The following NUMB variants were observed in gnomAD, a reference collection of about 807,000 sequenced individuals.
The protein encoded by NUMB is protein numb homolog.
A neutral mutation model predicts 59.7 loss-of-function variants in NUMB; 29 were observed. The ratio of observed to expected loss-of-function variants is 0.49; its 90% CI spans 0.36 to 0.66. The LOEUF (loss-of-function observed/expected upper bound fraction) is 0.66. Ranked by LOEUF, NUMB falls within the 30% of genes least tolerant of loss-of-function variation. The probability of loss-of-function intolerance (pLI) is 0.00; values close to 1 mark genes in which losing one functional copy is unlikely to be tolerated. For missense variants in NUMB, 723 were observed against 822.0 expected, an observed-to-expected ratio of 0.88 and a Z score of 1.47; for synonymous variants, 288 against 288.2, an observed-to-expected ratio of 1.00 and a Z score of 0.01.
intron 2 of NUMB, among the ~76,000 whole-genome samples, chr14:73,379,257 A>G (rs1331945560): frequency 1.3e-5 from 2 of 152,222 alleles, no homozygotes; most frequent in African/African-American, 4.8e-5. Flanking sequence ...AAAGCACGTA[A>G]GTGTTGCTTT....
rs552032039 is a variant in NUMB, at chr14:73,290,117, AC to A, written c.450+2616del. ...AAACAGGCTGCCGGGCCACTATTTGACAACAAAATGGTTTTTAAGTTATTAT... is the reference window on the plus strand; with the variant it reads ...AAACAGGCTGCCGGGCCACTATTTGAAACAAAATGGTTTTTAAGTTATTAT... On this transcript the variant is annotated intron_variant, in intron 8 of 12. Coordinates refer to ENST00000555238, the MANE Select transcript of NUMB (RefSeq NM_001005743.2). Among the ~76,000 whole-genome samples the A allele has an allele frequency of 7.2e-5, 11 of 152,330 alleles. 1 individual carries two copies. In the South Asian group the frequency reaches 2.3e-3, roughly 32 times the overall value.
intron 2 of NUMB, among the ~76,000 whole-genome samples, chr14:73,405,750 G>A (rs980903410): frequency 7.2e-5 from 11 of 151,860 alleles, no homozygotes; most frequent in East Asian, 2.0e-4. Context: ...CTGTGGAGCC[G>A]TGCCTCCAAG....
chr14:73,301,246 A>C (rs563105661), intron 6 of NUMB, among the ~76,000 whole-genome samples: 149 of 152,352 alleles, frequency 9.8e-4, no homozygotes, highest in South Asian at 2.1e-3. Flanking sequence ...AGATATTTAA[A>C]TTTGCAGTTT....
intron 1 of NUMB, among the ~76,000 whole-genome samples, chr14:73,434,603 C>T (rs1431745784): frequency 1.3e-5 from 2 of 152,218 alleles, no homozygotes; most frequent in East Asian, 1.9e-4. Flanking sequence ...CAGTGGCTCA[C>T]ACCTGTAATC....
intron 1 of NUMB, among the ~76,000 whole-genome samples, chr14:73,456,054 G>A (rs756969898): frequency 4.6e-5 from 7 of 151,846 alleles, no homozygotes; most frequent in Middle Eastern, 3.4e-3. Context: ...ACAAACACAG[G>A]AGGAACCAAA....
chr14:73,415,502 T>C (rs200487408), intron 1 of NUMB, among the ~76,000 whole-genome samples: 1,027 of 99,250 alleles, frequency 0.01, 5 homozygotes, highest in South Asian at 0.05. Flanking sequence ...AACTATTTTT[T>C]CTTTTCTTTT....
At chr14:73,303,036 G>A (rs1324036890) in intron 6 of NUMB, among the ~76,000 whole-genome samples, 2 of 151,892 alleles carry the variant, frequency 1.3e-5, no homozygotes, top group Admixed American at 6.6e-5. Context: ...TCACGAACAT[G>A]GCGAAACCCC....
intron 7 of NUMB, among the ~76,000 whole-genome samples, chr14:73,296,799 G>C (rs1051871687): frequency 6.6e-6 from 1 of 152,186 alleles, no homozygotes; most frequent in Non-Finnish European, 1.5e-5. Flanking sequence ...GCTGCCGGTG[G>C]ATCACCTGAG....
At chr14:73,401,083 G>T (rs1896390384) in intron 2 of NUMB, among the ~76,000 whole-genome samples, 1 of 152,182 alleles carries the variant, frequency 6.6e-6, no homozygotes, top group Non-Finnish European at 1.5e-5. Context: ...TGTGGGATCT[G>T]ATTCTATCTC....
chr14:73,333,605 G>A (rs772352535), intron 4 of NUMB, among the ~76,000 whole-genome samples: 1 of 151,628 alleles, frequency 6.6e-6, no homozygotes, highest in Non-Finnish European at 1.5e-5. Context: ...GAGATATAAA[G>A]GTTCTTTATA....
intron 3 of NUMB, among the ~76,000 whole-genome samples, chr14:73,366,352 T>C (rs1031373245): frequency 6.6e-6 from 1 of 152,240 alleles, no homozygotes; most frequent in African/African-American, 2.4e-5. Context: ...TGTCATACCC[T>C]ACATTGCTGC....
At chr14:73,357,999 G>T (rs534140168) in intron 3 of NUMB, among the ~76,000 whole-genome samples, 1 of 151,474 alleles carries the variant, frequency 6.6e-6, no homozygotes, top group Admixed American at 6.6e-5. Flanking sequence ...TACCTACTCG[G>T]CCAAGCCAGA....
chr14:73,305,108 G>A (rs960623124), intron 6 of NUMB, among the ~76,000 whole-genome samples: 1 of 152,080 alleles, frequency 6.6e-6, no homozygotes, highest in African/African-American at 2.4e-5. Flanking sequence ...ATTAGCAACC[G>A]TTTTTTGTGA....
intron 4 of NUMB, among the ~76,000 whole-genome samples, chr14:73,332,770 T>TC (rs542458167): frequency 2.9e-3 from 97 of 33,696 alleles, no homozygotes; most frequent in African/African-American, 0.018. Flanking sequence ...CCACTGCCCC[T>TC]CCCCACAGCC....
At chr14:73,294,377 A>G (rs2139837047) in intron 7 of NUMB, among the ~76,000 whole-genome samples, 1 of 152,128 alleles carries the variant, frequency 6.6e-6, no homozygotes, top group East Asian at 1.9e-4. Context: ...AGGTAATCAA[A>G]TATCAGTTTT....
chr14:73,287,191 C>A lies in NUMB; in HGVS notation c.574G>T (p.Glu192Ter). The change falls in exon 9 of 13, where the codon GAA (glutamate) becomes TAA (stop). Residue 192 changes from glutamate (E) to a stop codon, truncating the protein, a stop_gained. Coordinates refer to ENST00000555238, the MANE Select transcript of NUMB (RefSeq NM_001005743.2). LOFTEE classifies it high-confidence loss of function. ...FDASRTTFTR[E>*]GSFRVTTATE... ...GCTGTTGTGACACGGAATGATCCTT[C>A]TCTTGTAAAAGTGGTCCGACTAGCA... 1 of 1,613,884 alleles carries A rather than the reference C, an allele frequency of 6.2e-7. No individual in the cohort carries two copies. The highest frequency in any genetic ancestry group is 8.5e-7 in the Non-Finnish European group (1 of 1,179,996).
intron 1 of NUMB, among the ~76,000 whole-genome samples, chr14:73,413,512 C>G (rs1474461338): frequency 6.6e-6 from 1 of 151,808 alleles, no homozygotes; most frequent in Admixed American, 6.6e-5. Flanking sequence ...AATCTCAGCA[C>G]TTTGGGAGGT....
chr14:73,343,800 C>G (rs141429587), intron 4 of NUMB, among the ~76,000 whole-genome samples: 7 of 61,492 alleles, frequency 1.1e-4, no homozygotes, highest in African/African-American at 5.2e-4. Context: ...TGGATGCTAT[C>G]AAGTTTTGAA....
At chr14:73,286,190 ATTTTTTTTTTTTTTTTTTTT>A (rs55711968) in intron 9 of NUMB, 2 of 72,130 alleles carry the variant, frequency 2.8e-5, no homozygotes, top group Non-Finnish European at 5.0e-5. Context: ...AAATATGGCA[ATTTTTTTTTTTTTTTTTTTT>A]TTTTTTTTTT....
Sources: allele counts gnomAD v4.1 joint callset (sites outside exome capture counted in the v4.1 genomes callset), GRCh38; gene constraint gnomAD v4.1.1; transcripts MANE v1.5; gene names NCBI Gene and HGNC (gene_info 2026-07-23, HGNC 2026-07-21).